The following GPD2 variants were observed in gnomAD, a reference collection of about 807,000 sequenced individuals.
GPD2 encodes the protein glycerol-3-phosphate dehydrogenase, mitochondrial.
Under a neutral mutation model 82.4 loss-of-function variants are expected in GPD2, and 54 were observed. That is an observed-to-expected ratio of 0.66 (90% CI 0.53 to 0.82). GPD2 has a LOEUF of 0.82. Among genes scored for constraint, GPD2 ranks in the 40% least tolerant of loss-of-function variants. GPD2 has a pLI of 0.00. For synonymous variants in GPD2, 288 were observed against 306.1 expected, an observed-to-expected ratio of 0.94 and a Z score of 0.62; for missense variants, 748 against 896.2, an observed-to-expected ratio of 0.83 and a Z score of 2.11.
Position 156,583,002 on chromosome 2 carries a change from A to G in GPD2, c.*84A>G. 1 of 1,422,872 alleles carries G rather than the reference A, an allele frequency of 7.0e-7. No individual in the cohort carries two copies. Among genetic ancestry groups the G allele is most frequent in the South Asian group, 1.2e-5 (1 of 85,812 alleles). The allele number at this position is 1,422,872 out of a possible 1,614,324, so 88.1% of individuals were successfully genotyped here. On this transcript the variant is annotated 3_prime_UTR_variant, in exon 17 of 17. Coordinates refer to ENST00000438166, the MANE Select transcript of GPD2 (RefSeq NM_000408.5). ...CCAGAGATGACTGAAACCACTCTGA[A>G]ATAATGAATGTGGATAGCTGCCTTT... is the stretch of plus-strand genomic sequence containing the variant.
intron 6 of GPD2, among the ~76,000 whole-genome samples, chr2:156,515,006 A>G (rs574284396): frequency 6.6e-6 from 1 of 152,284 alleles, no homozygotes; most frequent in South Asian, 2.1e-4. Context: ...TCTTATTACT[A>G]ATCCCTCCTG....
chr2:156,577,628 C>T (rs1687872312), intron 13 of GPD2, among the ~76,000 whole-genome samples: 2 of 152,192 alleles, frequency 1.3e-5, no homozygotes, highest in African/African-American at 4.8e-5. Context: ...TGGCACTGTT[C>T]TTCAGACCAG....
chr2:156,579,597 GC>G, intron 15 of GPD2, 92 bp from the exon 16 acceptor site: 1 of 733,112 alleles, frequency 1.4e-6, no homozygotes, highest in Non-Finnish European at 2.5e-6. Flanking sequence ...CTCCCAAAGT[GC>G]TGGGATTACA....
At chr2:156,571,532 A>C (rs1687640995) in intron 13 of GPD2, among the ~76,000 whole-genome samples, 2 of 152,186 alleles carry the variant, frequency 1.3e-5, no homozygotes, top group Non-Finnish European at 2.9e-5. Context: ...ATTCCTGAAA[A>C]AGAAAGATAA....
chr2:156,527,473 A>G (rs567679318), intron 6 of GPD2, among the ~76,000 whole-genome samples: 190 of 152,170 alleles, frequency 1.2e-3, no homozygotes, highest in Non-Finnish European at 2.5e-3. Flanking sequence ...GAACCACACA[A>G]CACCTATTTT....
At chr2:156,513,553 C>T (rs553187143) in intron 6 of GPD2, 57 bp downstream of exon 6, 343 of 1,315,744 alleles carry the variant, frequency 2.6e-4, no homozygotes, top group Non-Finnish European at 3.5e-4. Context: ...ACTCATGACC[C>T]GTATAGTGTA....
chr2:156,515,524 G>A (rs571389032), intron 6 of GPD2, among the ~76,000 whole-genome samples: 32 of 152,252 alleles, frequency 2.1e-4, no homozygotes, highest in Middle Eastern at 3.4e-3. Flanking sequence ...GATTCTACAT[G>A]GAGAAGCCAA....
At chr2:156,469,026 T>G (rs1342653955) in intron 1 of GPD2, among the ~76,000 whole-genome samples, 1 of 152,214 alleles carries the variant, frequency 6.6e-6, no homozygotes, top group Non-Finnish European at 1.5e-5. Context: ...TCTGTCTCCA[T>G]GAGTTCATTT....
At chr2:156,418,880 A>G in the GPD2 span, among the ~76,000 whole-genome samples, 1 of 151,998 alleles carries the variant, frequency 6.6e-6, no homozygotes, top group Non-Finnish European at 1.5e-5. Flanking sequence ...GGCCTTACAG[A>G]GAGAGAAAGA....
chr2:156,447,508 CT>C (rs917896408), intron 1 of GPD2, among the ~76,000 whole-genome samples: 1 of 152,016 alleles, frequency 6.6e-6, no homozygotes, highest in Non-Finnish European at 1.5e-5. Flanking sequence ...TTGATTTTTA[CT>C]TTTTTTATAG....
chr2:156,531,933 G>A (rs982637357), intron 6 of GPD2, among the ~76,000 whole-genome samples: 4 of 152,094 alleles, frequency 2.6e-5, no homozygotes, highest in Admixed American at 2.0e-4. Context: ...GGCTGGGGAG[G>A]CAGTCCAAAG....
intron 1 of GPD2, among the ~76,000 whole-genome samples, chr2:156,456,273 T>C (rs1335967669): frequency 2.0e-5 from 3 of 152,158 alleles, no homozygotes; most frequent in Non-Finnish European, 4.4e-5. Context: ...TTCTAGAATG[T>C]TGGTGAAAAG....
chr2:156,453,123 T>A (rs1682673206), intron 1 of GPD2, among the ~76,000 whole-genome samples: 1 of 152,174 alleles, frequency 6.6e-6, no homozygotes, highest in Non-Finnish European at 1.5e-5. Context: ...TGAGGCCAGT[T>A]GTGGTTGCAT....
intron 5 of GPD2, among the ~76,000 whole-genome samples, chr2:156,513,082 A>G (rs1685061530): frequency 6.6e-6 from 1 of 152,184 alleles, no homozygotes; most frequent in Non-Finnish European, 1.5e-5. Context: ...TGTTCCCCAG[A>G]GAATTCTAAT....
the GPD2 span, among the ~76,000 whole-genome samples, chr2:156,404,087 G>A: frequency 6.6e-6 from 1 of 152,108 alleles, no homozygotes; most frequent in Non-Finnish European, 1.5e-5. Context: ...TAAGTGGTGG[G>A]CTAAGTGTAG....
At chr2:156,516,149 C>T (rs899787508) in intron 6 of GPD2, among the ~76,000 whole-genome samples, 20 of 152,264 alleles carry the variant, frequency 1.3e-4, no homozygotes, top group African/African-American at 4.8e-4. Flanking sequence ...CAAGTCTAAA[C>T]ATGGTAGTTT....
intron 1 of GPD2, among the ~76,000 whole-genome samples, chr2:156,468,458 A>AG (rs1290085429): frequency 1.3e-5 from 2 of 152,202 alleles, no homozygotes; most frequent in East Asian, 3.8e-4. Context: ...AAATAGTTGA[A>AG]GGAGTGGGTT....
At chr2:156,544,446 G>A (rs540874773) in intron 6 of GPD2, among the ~76,000 whole-genome samples, 1 of 152,244 alleles carries the variant, frequency 6.6e-6, no homozygotes, top group South Asian at 2.1e-4. Flanking sequence ...CAAGGCAAAG[G>A]GCATGGCTAC....
intron 1 of GPD2, among the ~76,000 whole-genome samples, chr2:156,453,214 G>C (rs1682676758): frequency 6.6e-6 from 1 of 152,152 alleles, no homozygotes; most frequent in African/African-American, 2.4e-5. Context: ...CTGGTTTGGG[G>C]GTTTGCCAAG....
Sources: gnomAD v4.1 joint callset for allele counts (sites outside exome capture counted in the v4.1 genomes callset) on GRCh38, gnomAD v4.1.1 for gene constraint, MANE v1.5 for transcripts, NCBI Gene and HGNC (gene_info 2026-07-23, HGNC 2026-07-21) for gene names.